The following HTR4 variants were observed in gnomAD, a reference collection of about 807,000 sequenced individuals.
The protein encoded by HTR4 is 5-hydroxytryptamine (serotonin) receptor 4, G protein-coupled.
A neutral mutation model predicts 36.8 loss-of-function variants in HTR4; 16 were observed. That is an observed-to-expected ratio of 0.43 (90% CI 0.29 to 0.66). HTR4 has a LOEUF of 0.66. Ranked by LOEUF, HTR4 falls within the 30% of genes least tolerant of loss-of-function variation. The pLI, the probability that HTR4 is intolerant of heterozygous loss-of-function variation, is 0.13. For missense variants in HTR4, 438 were observed against 490.9 expected, an observed-to-expected ratio of 0.89 and a Z score of 1.02; for synonymous variants, 189 against 185.1, an observed-to-expected ratio of 1.02 and a Z score of -0.17.
At chr5:148,567,622 C>T (rs1760499443) in intron 2 of HTR4, among the ~76,000 whole-genome samples, 1 of 152,054 alleles carries the variant, frequency 6.6e-6, no homozygotes, top group Non-Finnish European at 1.5e-5. Context: ...CAAACACCTC[C>T]TCTGTATTTC....
intron 1 of HTR4, among the ~76,000 whole-genome samples, chr5:148,640,754 GT>G (rs1279356937): frequency 6.6e-6 from 1 of 152,128 alleles, no homozygotes; most frequent in Non-Finnish European, 1.5e-5. Flanking sequence ...ATATTGTATT[GT>G]TTTGCAGATT....
chr5:148,458,129 T>C (rs1303108466), intron 5 of HTR4, among the ~76,000 whole-genome samples: 2 of 141,922 alleles, frequency 1.4e-5, no homozygotes, highest in African/African-American at 5.1e-5. Flanking sequence ...TAAAATATAA[T>C]ATATTTTAAT....
intron 2 of HTR4, among the ~76,000 whole-genome samples, chr5:148,568,413 C>A (rs1055427657): frequency 2.0e-5 from 3 of 152,034 alleles, no homozygotes; most frequent in Non-Finnish European, 4.4e-5. Context: ...AACTAACGAA[C>A]CAATCAATAT....
intron 2 of HTR4, among the ~76,000 whole-genome samples, chr5:148,583,189 T>C (rs1437129380): frequency 6.6e-6 from 1 of 151,840 alleles, no homozygotes; most frequent in Non-Finnish European, 1.5e-5. Context: ...TCTGTTGAGA[T>C]AATCATGTGG....
At position 148,632,990 on chromosome 5, in the gene HTR4, A is replaced by C. The variant is rs116546370; in HGVS notation, c.26+3999T>G. On this transcript the variant is annotated intron_variant, in intron 2 of 6. Coordinates refer to ENST00000377888, the MANE Select transcript of HTR4 (RefSeq NM_000870.7). The stretch of plus-strand genomic sequence containing the variant: ...CAAAATCATCAAAGCCAGTGTTTCC[A>C]TTTTTCTTTCTTCAACCCTTCAAAA... Among the ~76,000 whole-genome samples the C allele has an allele frequency of 8.9e-3, 1,358 of 152,098 alleles. 26 individuals are homozygous for C. Among genetic ancestry groups the C allele is most frequent in the African/African-American group, 0.031 (1,299 of 41,504 alleles).
chr5:148,492,540 G>A (rs1445737329), intron 6 of HTR4, among the ~76,000 whole-genome samples: 1 of 152,200 alleles, frequency 6.6e-6, no homozygotes, highest in Non-Finnish European at 1.5e-5. Flanking sequence ...TCAGGAAGCT[G>A]AGAAAATAAC....
chr5:148,528,775 C>A (rs1447728565), intron 4 of HTR4, among the ~76,000 whole-genome samples: 1 of 152,008 alleles, frequency 6.6e-6, no homozygotes, highest in Non-Finnish European at 1.5e-5. Context: ...CACATAAACA[C>A]CACCACTAGA....
rs116748458 is a variant in HTR4, at chr5:148,608,166, C to A, written c.26+28823G>T. Among the ~76,000 whole-genome samples, 1,487 of 152,248 alleles carry A rather than the reference C, an allele frequency of 9.8e-3. 26 individuals are homozygous for A. Among genetic ancestry groups the A allele is most frequent in the African/African-American group, 0.035 (1,441 of 41,530 alleles). ...GCTACTTTGGAGCCAACAGTGTAAA[C>A]CGTGCTTACTTTCACATTCACTCAA... On this transcript the variant is annotated intron_variant, in intron 2 of 6. Transcript: ENST00000377888.
At chr5:148,551,695 A>T (rs757455525) in intron 2 of HTR4, among the ~76,000 whole-genome samples, 2 of 152,208 alleles carry the variant, frequency 1.3e-5, no homozygotes, top group Non-Finnish European at 2.9e-5. Context: ...TTGGAAGAAG[A>T]ATTGTCGTGG....
At chr5:148,601,398 C>T (rs985296012) in intron 2 of HTR4, among the ~76,000 whole-genome samples, 4 of 152,030 alleles carry the variant, frequency 2.6e-5, no homozygotes, top group African/African-American at 4.8e-5. Context: ...TCATGTTCAC[C>T]GCAGCATTTT....
chr5:148,506,472 A>T (rs1466277176), intron 6 of HTR4, among the ~76,000 whole-genome samples: 2 of 152,192 alleles, frequency 1.3e-5, no homozygotes, highest in Middle Eastern at 3.2e-3. Flanking sequence ...GGCAAGGACT[A>T]CATGTCTAAA....
At chr5:148,624,455 T>C (rs921492961) in intron 2 of HTR4, among the ~76,000 whole-genome samples, 3 of 152,168 alleles carry the variant, frequency 2.0e-5, no homozygotes, top group African/African-American at 4.8e-5. Context: ...CTTACACTCA[T>C]TGAGCATTCA....
chr5:148,532,177 A>G (rs1758600834), intron 4 of HTR4, among the ~76,000 whole-genome samples: 1 of 152,154 alleles, frequency 6.6e-6, no homozygotes, highest in South Asian at 2.1e-4. Context: ...TGCATCCTAT[A>G]TGGACCAAAA....
chr5:148,639,601 T>C lies in HTR4; in HGVS notation c.-47-2540A>G, dbSNP rs1331243693. Among the ~76,000 whole-genome samples the C allele has an allele frequency of 2.2e-5, 3 of 138,136 alleles. No homozygotes were observed. The Admixed American group carries it at 2.2e-4, about 10-fold the overall frequency. The allele number at this position is 138,136 out of a possible 152,430, so 90.6% of individuals were successfully genotyped here. A position where few individuals can be genotyped will look rare whatever the true frequency, so the allele number is the denominator to read the frequency against. On this transcript the variant is annotated intron_variant, in intron 1 of 6. Coordinates refer to ENST00000377888, the MANE Select transcript of HTR4 (RefSeq NM_000870.7). ...AAATGTCTATCCTCTTTCTCTGTTC[T>C]ATTTTTTTCTTCCCAGTATATATAT...
Position 148,481,977 on chromosome 5 carries a change from C to T in HTR4, c.*1226G>A, listed in dbSNP as rs1755908091. ...GGTAGCAGACGGCTATAGCAGCATA[C>T]TGTTGTCTTAGAAACAGAAAGAAAA... On this transcript the variant is annotated 3_prime_UTR_variant, in exon 7 of 7. Coordinates refer to ENST00000377888, the MANE Select transcript of HTR4 (RefSeq NM_000870.7). 1.9e-6 allele frequency: 2 copies of T among 1,026,726 alleles called. No homozygotes were observed. The highest frequency in any genetic ancestry group is 4.4e-5 in the South Asian group (1 of 22,746). The allele number at this position is 1,026,726 out of a possible 1,614,324, so 63.6% of individuals were successfully genotyped here. A position where few individuals can be genotyped will look rare whatever the true frequency, so the allele number is the denominator to read the frequency against.
At chr5:148,644,471 G>A (rs1406855069) in intron 1 of HTR4, among the ~76,000 whole-genome samples, 1 of 54,110 alleles carries the variant, frequency 1.8e-5, no homozygotes, top group South Asian at 5.8e-4. Flanking sequence ...AAACACTATT[G>A]TCTTAGTTGG....
At chr5:148,632,119 G>A (rs1753343514) in intron 2 of HTR4, among the ~76,000 whole-genome samples, 1 of 151,916 alleles carries the variant, frequency 6.6e-6, no homozygotes, top group South Asian at 2.1e-4. Flanking sequence ...CCTTAAAGTG[G>A]CTTACAAAAA....
chr5:148,515,370 T>A (rs1246975575), intron 5 of HTR4, among the ~76,000 whole-genome samples: 1 of 152,180 alleles, frequency 6.6e-6, no homozygotes, highest in Admixed American at 6.6e-5. Flanking sequence ...ATATTATTGT[T>A]ATTTTAATAG....
chr5:148,514,643 G>A (rs1757649021), intron 5 of HTR4, among the ~76,000 whole-genome samples: 1 of 152,080 alleles, frequency 6.6e-6, no homozygotes, highest in Admixed American at 6.6e-5. Context: ...ATGAAGATAT[G>A]AAGAATAGAC....
Sources: gnomAD v4.1 joint callset for allele counts (sites outside exome capture counted in the v4.1 genomes callset) on GRCh38, gnomAD v4.1.1 for gene constraint, MANE v1.5 for transcripts, NCBI Gene and HGNC (gene_info 2026-07-23, HGNC 2026-07-21) for gene names.